The following HLCS variants were observed in gnomAD, a reference collection of about 807,000 sequenced individuals.
HLCS encodes biotin--protein ligase.
Under a neutral mutation model 75.0 loss-of-function variants are expected in HLCS, and 53 were observed. The ratio of observed to expected loss-of-function variants is 0.71; its 90% CI spans 0.57 to 0.89. The LOEUF is 0.89. Among genes scored for constraint, HLCS ranks in the 40% least tolerant of loss-of-function variants. The pLI is 0.00. For missense variants in HLCS, 966 were observed against 1,074.0 expected (o/e 0.90, Z 1.41); for synonymous variants, 431 against 428.6 (o/e 1.01, Z -0.07).
intron 6 of HLCS, among the ~76,000 whole-genome samples, chr21:36,804,962 C>G (rs2145933721): frequency 1.3e-5 from 2 of 152,286 alleles, no homozygotes; most frequent in Non-Finnish European, 2.9e-5. Context: ...CCATGGTTCC[C>G]TCTTAACAGC....
chr21:36,958,078 T>A (rs1259667982), intron 2 of HLCS, among the ~76,000 whole-genome samples: 1 of 149,530 alleles, frequency 6.7e-6, no homozygotes, highest in Non-Finnish European at 1.5e-5. Flanking sequence ...ATACAATAAA[T>A]AAATAAATAA....
intron 6 of HLCS, among the ~76,000 whole-genome samples, chr21:36,817,737 C>T (rs551817499): frequency 2.4e-4 from 37 of 152,226 alleles, no homozygotes; most frequent in African/African-American, 8.9e-4. Flanking sequence ...ATGTTTATGC[C>T]TAAAAAAGAA....
At position 36,945,735 on chromosome 21, in the gene HLCS, G is replaced by A. The variant is rs138088234; in HGVS notation, c.331-6741C>T. 3.2e-3 allele frequency among the ~76,000 whole-genome samples: 484 copies of A among 152,318 alleles called. 14 individuals carry two copies. Among genetic ancestry groups the A allele is most frequent in the Admixed American group, 0.026 (401 of 15,292 alleles). On this transcript the variant is annotated intron_variant, in intron 2 of 10. Transcript: ENST00000674895. ...TGAAAATGTTTTAGAATTAGATAAT[G>A]CTAATGATTGCACAACTTTGTGAAT...
chr21:36,934,507 T>C (rs1382741861), intron 4 of HLCS, among the ~76,000 whole-genome samples: 1 of 152,226 alleles, frequency 6.6e-6, no homozygotes, highest in African/African-American at 2.4e-5. Context: ...TCATGGCAAA[T>C]TCCTGGTCCA....
At chr21:36,875,261 GGC>G (rs2063923529) in intron 6 of HLCS, among the ~76,000 whole-genome samples, 2 of 152,168 alleles carry the variant, frequency 1.3e-5, no homozygotes, top group Non-Finnish European at 2.9e-5. Flanking sequence ...CTGGGCTCCA[GGC>G]TGCCAGTTCC....
chr21:36,897,315 C>A (rs762990374), intron 5 of HLCS, among the ~76,000 whole-genome samples, 184 bp from the exon 6 acceptor site: 2 of 152,106 alleles, frequency 1.3e-5, no homozygotes. Context: ...ACTTAGTATA[C>A]TTATACTATA....
At chr21:36,958,568 T>C (rs2068099597) in intron 2 of HLCS, among the ~76,000 whole-genome samples, 1 of 152,098 alleles carries the variant, frequency 6.6e-6, no homozygotes, top group Non-Finnish European at 1.5e-5. Flanking sequence ...GCAGGCAGAT[T>C]GCCTGAGCTC....
chr21:36,919,641 T>G (rs2066076116), intron 5 of HLCS, among the ~76,000 whole-genome samples: 1 of 152,236 alleles, frequency 6.6e-6, no homozygotes, highest in Non-Finnish European at 1.5e-5. Flanking sequence ...AAAGACAAGT[T>G]AGCACACAAA....
intron 6 of HLCS, among the ~76,000 whole-genome samples, chr21:36,769,084 G>A (rs977708687): frequency 7.2e-5 from 11 of 152,088 alleles, no homozygotes; most frequent in African/African-American, 2.7e-4. Flanking sequence ...GTGATGGGAG[G>A]GGCAGGAAAA....
intron 5 of HLCS, among the ~76,000 whole-genome samples, chr21:36,902,758 T>C (rs940232645): frequency 2.0e-5 from 3 of 152,182 alleles, no homozygotes; most frequent in Admixed American, 1.3e-4. Context: ...GAGCAGCGCC[T>C]TCCCCAGGGC....
chr21:36,777,310 T>G (rs1318060344), intron 6 of HLCS, among the ~76,000 whole-genome samples: 1 of 152,246 alleles, frequency 6.6e-6, no homozygotes, highest in African/African-American at 2.4e-5. Flanking sequence ...TCTATAGTTT[T>G]GCCTTTCCCA....
In HLCS at chr21:36,937,051, GA is replaced by G; in HGVS notation, c.834del (p.Tyr280ThrfsTer125). The stretch of plus-strand genomic sequence containing the variant: ...TCCAAACTGCTGCTATAATCGTAGG[GA>G]AGGTCTGGAATGTTCTCGGCAGACG... ...KFASAENIPD[L>X]PYDYSSSLES... On this transcript the variant is annotated frameshift_variant, in exon 4 of 11. Transcript: ENST00000674895. LOFTEE classifies it high-confidence loss of function. The G allele has an allele frequency of 6.2e-7, 1 of 1,614,166 alleles. No individual in the cohort carries two copies. The highest frequency in any genetic ancestry group is 8.5e-7 in the Non-Finnish European group (1 of 1,180,024).
At chr21:36,758,584 A>T (rs1247045043) in intron 9 of HLCS, among the ~76,000 whole-genome samples, 3 of 152,010 alleles carry the variant, frequency 2.0e-5, no homozygotes, top group Non-Finnish European at 4.4e-5. Flanking sequence ...GCCTTCGCTT[A>T]CCCCACGCTG....
At chr21:36,759,355 A>G (rs954582228) in intron 9 of HLCS, among the ~76,000 whole-genome samples, 5 of 152,254 alleles carry the variant, frequency 3.3e-5, no homozygotes, top group African/African-American at 1.2e-4. Flanking sequence ...GAAGGTCACG[A>G]TAAGAATGCA....
intron 6 of HLCS, among the ~76,000 whole-genome samples, chr21:36,813,164 G>GT (rs768838138): frequency 2.7e-4 from 41 of 152,214 alleles, no homozygotes; most frequent in Non-Finnish European, 5.6e-4. Flanking sequence ...TAATTTTGCT[G>GT]TAACGAGGAA....
At chr21:36,942,480 C>G (rs2146556199) in intron 2 of HLCS, among the ~76,000 whole-genome samples, 1 of 146,894 alleles carries the variant, frequency 6.8e-6, no homozygotes, top group East Asian at 2.1e-4. Context: ...CAAAAATTAA[C>G]TCAAACTGGA....
Position 36,753,937 on chromosome 21 carries a change from T to G in HLCS, c.*309A>C. 1 of 446,632 alleles carries G rather than the reference T, an allele frequency of 2.2e-6. No individual in the cohort carries two copies. The allele number at this position is 446,632 out of a possible 1,614,324, so 27.7% of individuals were successfully genotyped here. On this transcript the variant is annotated 3_prime_UTR_variant, in exon 11 of 11. Transcript: ENST00000674895. The surrounding 1 kb of genome is among the most constrained non-coding windows in gnomAD (Gnocchi z 4.3). ...TAAGAAAATATCTGAATTTTCCCATTGTCATTTCCATGTAAAAACTCCCCT... is the reference window on the plus strand; with the variant it reads ...TAAGAAAATATCTGAATTTTCCCATGGTCATTTCCATGTAAAAACTCCCCT...
At chr21:36,961,496 T>G (rs959470980) in intron 2 of HLCS, among the ~76,000 whole-genome samples, 1 of 152,162 alleles carries the variant, frequency 6.6e-6, no homozygotes, top group Non-Finnish European at 1.5e-5. Flanking sequence ...CCAGCCTAGG[T>G]GACACAATAA....
chr21:36,886,824 G>A (rs554112559), intron 6 of HLCS, among the ~76,000 whole-genome samples: 9 of 152,108 alleles, frequency 5.9e-5, no homozygotes, highest in East Asian at 3.9e-4. Context: ...TGCCATGTGC[G>A]GATACAAGAA....
Sources: allele counts gnomAD v4.1 joint callset (sites outside exome capture counted in the v4.1 genomes callset), GRCh38; gene constraint gnomAD v4.1.1; non-coding constraint Gnocchi (gnomAD v3.1); transcripts MANE v1.5; gene names NCBI Gene and HGNC (gene_info 2026-07-23, HGNC 2026-07-21).